Variants in ADAMTS16 observed in about 807,000 individuals in gnomAD.
ADAMTS16 encodes ADAM metallopeptidase with thrombospondin type 1 motif 16, also known as A disintegrin and metalloproteinase with thrombospondin motifs 16.
Under a neutral mutation model 145.8 loss-of-function variants are expected in ADAMTS16, and 94 were observed. The observed-to-expected ratio is 0.64, with a 90% CI of 0.55 to 0.77. The LOEUF (loss-of-function observed/expected upper bound fraction) is 0.77. ADAMTS16 is among the 30% of genes least tolerant of loss of function. ADAMTS16 has a pLI of 0.00. For missense variants in ADAMTS16, 1,585 were observed against 1,591.5 expected (o/e 1.00, Z 0.07); for synonymous variants, 659 against 604.3 (o/e 1.09, Z -1.33).
chr5:5,222,278 C>T (rs552996584), intron 10 of ADAMTS16, among the ~76,000 whole-genome samples: 1 of 151,898 alleles, frequency 6.6e-6, no homozygotes, highest in Admixed American at 6.6e-5. Context: ...ATATTTTAAG[C>T]CTTAATCACA....
intron 18 of ADAMTS16, among the ~76,000 whole-genome samples, chr5:5,288,996 G>T (rs1739202772): frequency 6.6e-6 from 1 of 152,172 alleles, no homozygotes; most frequent in Non-Finnish European, 1.5e-5. Flanking sequence ...GTGGGCTAAT[G>T]CATGTGAATG....
intron 3 of ADAMTS16, among the ~76,000 whole-genome samples, chr5:5,156,732 C>A (rs1259395470): frequency 6.6e-6 from 1 of 152,130 alleles, no homozygotes; most frequent in Non-Finnish European, 1.5e-5. Flanking sequence ...TAAATTAGCA[C>A]TCAGGGGCTT....
At chr5:5,167,300 A>C (rs996131466) in intron 3 of ADAMTS16, among the ~76,000 whole-genome samples, 4 of 152,190 alleles carry the variant, frequency 2.6e-5, no homozygotes, top group Non-Finnish European at 5.9e-5. Context: ...GAACAAAAAC[A>C]CTACACTCCC....
At chr5:5,144,173 T>C (rs560249101) in intron 2 of ADAMTS16, among the ~76,000 whole-genome samples, 66 of 152,154 alleles carry the variant, frequency 4.3e-4, no homozygotes, top group Middle Eastern at 3.4e-3. Context: ...ATAATAACAA[T>C]GCAGAGAATA....
Position 5,260,519 on chromosome 5 carries a change from TGCCAAGTTA to T in ADAMTS16, c.2663-2135_2663-2127del, listed in dbSNP as rs1737973733. ...CTTACCTGGGTTAAATATATAATTC[TGCCAAGTTA>T]GCAGAGAGATGACTGGTTTTACCAA... On this transcript the variant is annotated intron_variant, in intron 17 of 22. Transcript: ENST00000274181. 2.0e-5 allele frequency among the ~76,000 whole-genome samples: 3 copies of T among 152,232 alleles called. No homozygotes were observed. In the South Asian group the frequency reaches 6.2e-4, roughly 31 times the overall value.
At chr5:5,311,048 T>C (rs1346961679) in intron 21 of ADAMTS16, among the ~76,000 whole-genome samples, 1 of 152,088 alleles carries the variant, frequency 6.6e-6, no homozygotes, top group East Asian at 1.9e-4. Context: ...CGTGTCAAGC[T>C]AGAGACACAG....
intron 17 of ADAMTS16, among the ~76,000 whole-genome samples, chr5:5,247,639 T>C (rs1737491331): frequency 6.6e-6 from 1 of 152,250 alleles, no homozygotes; most frequent in Non-Finnish European, 1.5e-5. Context: ...GGCCATGGCC[T>C]GTTCTTCTCC....
Position 5,204,433 on chromosome 5 carries a change from C to T in ADAMTS16, c.1451+4164C>T, listed in dbSNP as rs185490035. Among the ~76,000 whole-genome samples, 245 of 152,214 alleles carry T rather than the reference C, an allele frequency of 1.6e-3. 1 individual carries two copies. The highest frequency in any genetic ancestry group is 5.6e-3 in the African/African-American group (234 of 41,528). On this transcript the variant is annotated intron_variant, in intron 9 of 22. Transcript: ENST00000274181. The stretch of plus-strand genomic sequence containing the variant: ...TAGTGTAACTAACTTCTATGCAGAT[C>T]AAGATACAGAGTGTGGTAGGGACTT...
chr5:5,230,583 T>C (rs1356173352), intron 11 of ADAMTS16, among the ~76,000 whole-genome samples: 3 of 152,180 alleles, frequency 2.0e-5, no homozygotes, highest in South Asian at 2.1e-4. Flanking sequence ...GAGGCAGGAC[T>C]GCAGGTTTCA....
chr5:5,215,051 G>A (rs1164685611), intron 10 of ADAMTS16, among the ~76,000 whole-genome samples: 1 of 151,966 alleles, frequency 6.6e-6, no homozygotes, highest in Non-Finnish European at 1.5e-5. Context: ...GATGATGGAT[G>A]GATGATATTT....
chr5:5,220,337 T>G (rs1305490349), intron 10 of ADAMTS16, among the ~76,000 whole-genome samples: 1 of 149,542 alleles, frequency 6.7e-6, no homozygotes, highest in Non-Finnish European at 1.5e-5. Context: ...TTTTTTATAT[T>G]TTTAGTAGAG....
chr5:5,300,225 C>G (rs942512725), intron 18 of ADAMTS16, among the ~76,000 whole-genome samples: 3 of 152,002 alleles, frequency 2.0e-5, no homozygotes, highest in Non-Finnish European at 2.9e-5. Flanking sequence ...ATTGAGAGAG[C>G]AAATATAAGA....
At chr5:5,190,244 T>C in intron 7 of ADAMTS16, 114 bp downstream of exon 7, 1 of 1,185,588 alleles carries the variant, frequency 8.4e-7, no homozygotes, top group East Asian at 2.6e-5. Context: ...AGCAGCTTCT[T>C]AGTGAAGGTG....
At chr5:5,171,791 G>A (rs1334899985) in intron 3 of ADAMTS16, among the ~76,000 whole-genome samples, 1 of 152,096 alleles carries the variant, frequency 6.6e-6, no homozygotes, top group African/African-American at 2.4e-5. Context: ...CTCATAGGAT[G>A]AGTTTGGAAG....
intron 2 of ADAMTS16, 146 bp downstream of exon 2, chr5:5,140,912 C>A: frequency 1.3e-6 from 1 of 756,542 alleles, no homozygotes; most frequent in Non-Finnish European, 2.0e-6. Flanking sequence ...TTTTTTTTAA[C>A]TGTATGAGCG....
chr5:5,300,278 G>A (rs997341362), intron 18 of ADAMTS16, among the ~76,000 whole-genome samples: 53 of 152,196 alleles, frequency 3.5e-4, no homozygotes, highest in Non-Finnish European at 2.9e-5. Context: ...ACACAGAAGC[G>A]GCAACAGAGT....
intron 17 of ADAMTS16, among the ~76,000 whole-genome samples, chr5:5,248,419 T>C (rs567450289): frequency 6.6e-6 from 1 of 152,372 alleles, no homozygotes; most frequent in African/African-American, 2.4e-5. Context: ...AGGGTTTGTC[T>C]TTCCACAGCT....
Position 5,140,771 on chromosome 5 carries a change from G to A in ADAMTS16, c.175+5G>A, listed in dbSNP as rs972144738. Reference sequence around the variant, plus strand: ...CGGGCTGGATGGAAAAGGGCGGTAAGTCCGTGAGGTGGGGGCTTCTAATCC... The same window carrying A: ...CGGGCTGGATGGAAAAGGGCGGTAAATCCGTGAGGTGGGGGCTTCTAATCC... On this transcript the variant is annotated splice_donor_5th_base_variant and intron_variant, in intron 2 of 22. Coordinates refer to ENST00000274181, the MANE Select transcript of ADAMTS16 (RefSeq NM_139056.4). 1.3e-6 allele frequency: 2 copies of A among 1,553,612 alleles called. No individual in the cohort carries two copies. Among genetic ancestry groups the A allele is most frequent in the Non-Finnish European group, 1.7e-6 (2 of 1,149,654 alleles).
At chr5:5,165,872 G>A (rs113920744) in intron 3 of ADAMTS16, among the ~76,000 whole-genome samples, 84 of 152,202 alleles carry the variant, frequency 5.5e-4, no homozygotes, top group African/African-American at 1.9e-3. Flanking sequence ...ACACATGTGC[G>A]TGCCTGGCTT....
Sources: gnomAD v4.1 joint callset for allele counts (sites outside exome capture counted in the v4.1 genomes callset) on GRCh38, gnomAD v4.1.1 for gene constraint, MANE v1.5 for transcripts, NCBI Gene and HGNC (gene_info 2026-07-23, HGNC 2026-07-21) for gene names.